The following PPM1H variants were observed in gnomAD, a reference collection of about 807,000 sequenced individuals.
PPM1H encodes protein phosphatase, Mg2+/Mn2+ dependent 1H, also known as protein phosphatase 1H.
In PPM1H, 27 loss-of-function variants were observed where a neutral mutation model predicts 54.9. The observed-to-expected ratio is 0.49, with a 90% CI of 0.36 to 0.68. PPM1H has a LOEUF of 0.68. PPM1H is among the 30% of genes least tolerant of loss of function. PPM1H has a pLI of 0.00. For synonymous variants in PPM1H, 305 were observed against 270.8 expected, an observed-to-expected ratio of 1.13 and a Z score of -1.24; for missense variants, 596 against 667.8, an observed-to-expected ratio of 0.89 and a Z score of 1.19.
At chr12:62,650,160 T>TAACA (rs2136592404) in intron 9 of PPM1H, among the ~76,000 whole-genome samples, 1 of 152,334 alleles carries the variant, frequency 6.6e-6, no homozygotes, top group South Asian at 2.1e-4. Flanking sequence ...ACAAGTCCTC[T>TAACA]AACAAATGAT....
chr12:62,818,675 T>TG (rs940501279), intron 2 of PPM1H, among the ~76,000 whole-genome samples: 11 of 152,282 alleles, frequency 7.2e-5, no homozygotes, highest in African/African-American at 2.4e-4. Context: ...TGCCAGACTG[T>TG]GGGCTTATAG....
In PPM1H at chr12:62,914,206, G is replaced by A. The variant is rs1734488744; in HGVS notation, c.245+20286C>T. On this transcript the variant is annotated intron_variant, in intron 1 of 9. Transcript: ENST00000228705. Reference sequence around the variant, plus strand: ...TGACTCTATTAGTTCCTGAGAGCTGGTTGTTATAAGGAGCTTGGCACCTCC... The same window carrying A: ...TGACTCTATTAGTTCCTGAGAGCTGATTGTTATAAGGAGCTTGGCACCTCC... Among the ~76,000 whole-genome samples the A allele has an allele frequency of 2.6e-5, 4 of 152,122 alleles. No homozygotes were observed. The South Asian group carries it at 6.2e-4, about 24-fold the overall frequency.
chr12:62,811,785 G>T (rs780964761), intron 2 of PPM1H, among the ~76,000 whole-genome samples: 2 of 152,172 alleles, frequency 1.3e-5, no homozygotes, highest in South Asian at 2.1e-4. Context: ...CACCGTGATT[G>T]TAAGTTTGCT....
At chr12:62,886,649 A>T (rs1870599871) in intron 1 of PPM1H, among the ~76,000 whole-genome samples, 5 of 152,238 alleles carry the variant, frequency 3.3e-5, no homozygotes. Context: ...AAAACTTCTA[A>T]AATTTCACTC....
chr12:62,925,619 G>A (rs1173342769), intron 1 of PPM1H, among the ~76,000 whole-genome samples: 1 of 152,184 alleles, frequency 6.6e-6, no homozygotes, highest in Non-Finnish European at 1.5e-5. Context: ...CAGAGCTCTG[G>A]TGTGTCATGC....
chr12:62,649,954 G>A (rs913688985), intron 9 of PPM1H, among the ~76,000 whole-genome samples: 1 of 152,166 alleles, frequency 6.6e-6, no homozygotes, highest in Non-Finnish European at 1.5e-5. Flanking sequence ...AGTCCTCTTG[G>A]AAGCCAGCCT....
chr12:62,671,756 T>G (rs905944222), intron 8 of PPM1H, among the ~76,000 whole-genome samples: 3 of 152,206 alleles, frequency 2.0e-5, no homozygotes, highest in Non-Finnish European at 4.4e-5. Context: ...TTTGGATTCC[T>G]GTTACTCAGT....
chr12:62,729,388 C>T (rs1301024207), intron 5 of PPM1H, among the ~76,000 whole-genome samples: 1 of 152,130 alleles, frequency 6.6e-6, no homozygotes, highest in Non-Finnish European at 1.5e-5. Context: ...GGCAGGAGTG[C>T]AGACATTGGC....
chr12:62,863,244 G>A (rs1869664992), intron 1 of PPM1H, among the ~76,000 whole-genome samples: 1 of 151,980 alleles, frequency 6.6e-6, no homozygotes, highest in Admixed American at 6.6e-5. Context: ...GCCAAGACTG[G>A]TCTCAAACTC....
At chr12:62,845,473 C>T (rs1868928635) in intron 1 of PPM1H, among the ~76,000 whole-genome samples, 1 of 152,178 alleles carries the variant, frequency 6.6e-6, no homozygotes, top group South Asian at 2.1e-4. Flanking sequence ...AGTGGTACTT[C>T]TTGCTGAGGC....
intron 1 of PPM1H, among the ~76,000 whole-genome samples, chr12:62,908,924 A>AG (rs1414359567): frequency 6.6e-6 from 1 of 152,184 alleles, no homozygotes; most frequent in African/African-American, 2.4e-5. Flanking sequence ...ATCTGCTTAA[A>AG]GGGGTGGATT....
chr12:62,848,430 T>A (rs937068387), intron 1 of PPM1H, among the ~76,000 whole-genome samples: 5 of 152,194 alleles, frequency 3.3e-5, no homozygotes, highest in African/African-American at 1.2e-4. Context: ...ACAAATGCAA[T>A]CTAGGACACT....
At chr12:62,734,932 C>A (rs381862) in intron 5 of PPM1H, among the ~76,000 whole-genome samples, 1 of 152,050 alleles carries the variant, frequency 6.6e-6, no homozygotes, top group Non-Finnish European at 1.5e-5. Flanking sequence ...GTAGTCCTAG[C>A]TAAACAGAGG....
chr12:62,801,697 G>A (rs1324373272), intron 3 of PPM1H, 119 bp downstream of exon 3: 2 of 1,102,926 alleles, frequency 1.8e-6, no homozygotes, highest in Admixed American at 5.4e-5. Flanking sequence ...ACAGGGGGCC[G>A]TCCAGGTGGA....
chr12:62,825,178 AC>A (rs1479698258), intron 2 of PPM1H, among the ~76,000 whole-genome samples: 1 of 152,210 alleles, frequency 6.6e-6, no homozygotes, highest in Non-Finnish European at 1.5e-5. Flanking sequence ...ACAAATCAGA[AC>A]CACAATGAGA....
intron 7 of PPM1H, among the ~76,000 whole-genome samples, chr12:62,691,470 C>T (rs921249939): frequency 2.0e-5 from 3 of 152,120 alleles, no homozygotes; most frequent in Admixed American, 6.5e-5. Context: ...AGGCAGAGTT[C>T]ACATTAAGCA....
chr12:62,689,287 C>G (rs935532006), intron 8 of PPM1H, among the ~76,000 whole-genome samples: 1 of 152,218 alleles, frequency 6.6e-6, no homozygotes, highest in African/African-American at 2.4e-5. Flanking sequence ...CTGGCTGGTG[C>G]AGGAGAACAA....
intron 7 of PPM1H, among the ~76,000 whole-genome samples, chr12:62,693,341 C>T (rs1192910373): frequency 1.3e-5 from 2 of 152,178 alleles, no homozygotes; most frequent in Non-Finnish European, 2.9e-5. Flanking sequence ...TTATCTTAGT[C>T]TGGACTCTGG....
intron 5 of PPM1H, among the ~76,000 whole-genome samples, chr12:62,733,068 G>C (rs959193174): frequency 6.6e-6 from 1 of 151,988 alleles, no homozygotes. Context: ...GTTACTTTTC[G>C]TTTTAATTTC....
Sources: gnomAD v4.1 joint callset for allele counts (sites outside exome capture counted in the v4.1 genomes callset) on GRCh38, gnomAD v4.1.1 for gene constraint, MANE v1.5 for transcripts, NCBI Gene and HGNC (gene_info 2026-07-23, HGNC 2026-07-21) for gene names.